SORCS1: variants seen among roughly 807,000 people sequenced by gnomAD.
SORCS1 encodes sortilin related VPS10 domain containing receptor 1.
In SORCS1, 60 loss-of-function variants were observed where a neutral mutation model predicts 146.1. The observed-to-expected ratio is 0.41, with a 90% CI of 0.33 to 0.51. SORCS1 has a LOEUF of 0.51. Among genes scored for constraint, SORCS1 ranks in the 20% least tolerant of loss-of-function variants. The pLI is 0.21. For synonymous variants in SORCS1, 637 were observed against 584.0 expected, an observed-to-expected ratio of 1.09 and a Z score of -1.31; for missense variants, 1,352 against 1,487.6, an observed-to-expected ratio of 0.91 and a Z score of 1.50.
chr10:106,679,610 G>A (rs1290365893), intron 11 of SORCS1, 22 bp downstream of exon 11: 3 of 1,583,068 alleles, frequency 1.9e-6, no homozygotes. Flanking sequence ...ACCACAGCCA[G>A]CAAACCAGGT....
intron 1 of SORCS1, among the ~76,000 whole-genome samples, chr10:107,111,104 T>C (rs1965667062): frequency 2.0e-5 from 3 of 152,228 alleles, no homozygotes. Flanking sequence ...CTGTAAAGAC[T>C]AGAAGCGGTA....
intron 2 of SORCS1, among the ~76,000 whole-genome samples, chr10:106,956,023 G>A (rs907362019): frequency 7.9e-5 from 12 of 152,086 alleles, no homozygotes; most frequent in Middle Eastern, 6.8e-3. Flanking sequence ...CCAGCTACTC[G>A]GGAGGCTGAG....
intron 1 of SORCS1, among the ~76,000 whole-genome samples, chr10:107,046,903 G>T (rs1265721194): frequency 1.3e-5 from 2 of 152,226 alleles, no homozygotes; most frequent in African/African-American, 4.8e-5. Flanking sequence ...CCTCTATCAT[G>T]ATGGTGGCTA....
chr10:107,117,759 A>G (rs972759992), intron 1 of SORCS1, among the ~76,000 whole-genome samples: 14 of 152,248 alleles, frequency 9.2e-5, no homozygotes, highest in African/African-American at 3.1e-4. Context: ...TGTCTAGCCT[A>G]TGCCTGTCAC....
intron 23 of SORCS1, among the ~76,000 whole-genome samples, chr10:106,601,785 C>T (rs979643148): frequency 3.3e-5 from 5 of 152,174 alleles, no homozygotes; most frequent in Admixed American, 6.5e-5. Flanking sequence ...ACATACAGCA[C>T]AAGAGGGAAA....
chr10:106,664,991 A>G (rs1014840477), intron 17 of SORCS1, among the ~76,000 whole-genome samples: 3 of 152,132 alleles, frequency 2.0e-5, no homozygotes, highest in African/African-American at 7.2e-5. Context: ...GTACTATGCT[A>G]AGACCTCACT....
At chr10:106,958,008 C>T (rs1955045673) in intron 1 of SORCS1, among the ~76,000 whole-genome samples, 2 of 152,214 alleles carry the variant, frequency 1.3e-5, no homozygotes, top group Non-Finnish European at 2.9e-5. Flanking sequence ...TATACCCCTT[C>T]TCAGTCACAC....
intron 1 of SORCS1, among the ~76,000 whole-genome samples, chr10:107,081,086 C>T (rs1056826347): frequency 2.0e-5 from 3 of 152,120 alleles, no homozygotes; most frequent in Non-Finnish European, 4.4e-5. Context: ...CTAGTCAGTA[C>T]CATAACTGCA....
chr10:107,180,811 T>G, the SORCS1 span, among the ~76,000 whole-genome samples: 1 of 152,298 alleles, frequency 6.6e-6, no homozygotes, highest in African/African-American at 2.4e-5. Flanking sequence ...TTAGGATATT[T>G]TGTAGTTGTG....
intron 3 of SORCS1, among the ~76,000 whole-genome samples, chr10:106,797,301 T>C (rs1351356395): frequency 6.6e-6 from 1 of 152,190 alleles, no homozygotes; most frequent in Non-Finnish European, 1.5e-5. Flanking sequence ...TTGGAATTCC[T>C]AGACAATGGC....
intron 2 of SORCS1, among the ~76,000 whole-genome samples, chr10:106,887,697 C>T (rs1951053648): frequency 6.6e-6 from 1 of 151,962 alleles, no homozygotes; most frequent in Non-Finnish European, 1.5e-5. Context: ...AAAACATACT[C>T]CTGCACTGAC....
rs141378677 is a variant in SORCS1, at chr10:106,843,429, C to CTTTTTTTT, written c.627-13764_627-13757dup. Among the ~76,000 whole-genome samples, 10 of 116,800 alleles carry CTTTTTTTT rather than the reference C, an allele frequency of 8.6e-5. 1 individual carries two copies. Among genetic ancestry groups the CTTTTTTTT allele is most frequent in the Non-Finnish European group, 1.1e-4 (7 of 61,150 alleles). The allele number at this position is 116,800 out of a possible 152,430, so 76.6% of individuals were successfully genotyped here. On this transcript the variant is annotated intron_variant, in intron 2 of 25. Transcript: ENST00000263054. ...ATGTTGCGGTAAAAGGCAGGATTTC[C>CTTTTTTTT]TTTTTTTTTTTTTTTTTTGTGATGG...
intron 2 of SORCS1, among the ~76,000 whole-genome samples, chr10:106,946,377 T>C (rs564153669): frequency 6.6e-6 from 1 of 152,356 alleles, no homozygotes; most frequent in East Asian, 1.9e-4. Flanking sequence ...GCCCCCATAA[T>C]TCCCACATAT....
At chr10:106,997,534 C>T (rs900280101) in intron 1 of SORCS1, among the ~76,000 whole-genome samples, 6 of 152,164 alleles carry the variant, frequency 3.9e-5, no homozygotes, top group African/African-American at 1.4e-4. Context: ...AAGCATGTTA[C>T]ACTCATCCAC....
intron 1 of SORCS1, among the ~76,000 whole-genome samples, chr10:107,126,032 T>G (rs187702846): frequency 9.6e-4 from 146 of 152,316 alleles, no homozygotes; most frequent in African/African-American, 3.4e-3. Flanking sequence ...TTCAATCTAA[T>G]TAAATACTTA....
chr10:106,817,004 G>A (rs1947777608), intron 3 of SORCS1, among the ~76,000 whole-genome samples: 1 of 152,140 alleles, frequency 6.6e-6, no homozygotes, highest in African/African-American at 2.4e-5. Flanking sequence ...TTGGGCCCAA[G>A]GAACAAAGAC....
chr10:106,850,428 C>G (rs1325620724), intron 2 of SORCS1, among the ~76,000 whole-genome samples: 2 of 152,142 alleles, frequency 1.3e-5, no homozygotes, highest in African/African-American at 4.8e-5. Flanking sequence ...GAGGCAATGC[C>G]TCGCCCTGCT....
intron 1 of SORCS1, among the ~76,000 whole-genome samples, chr10:107,085,437 C>T (rs1424204652): frequency 2.0e-5 from 3 of 152,172 alleles, no homozygotes. Context: ...ACTTCCAAAA[C>T]AGAAGAACAT....
chr10:106,625,215 T>C (rs1490778348), intron 19 of SORCS1, among the ~76,000 whole-genome samples: 2 of 127,066 alleles, frequency 1.6e-5, no homozygotes, highest in African/African-American at 2.9e-5. Flanking sequence ...TGTGTGTGTG[T>C]GTGTGTGTGT....
Sources: allele counts gnomAD v4.1 joint callset (sites outside exome capture counted in the v4.1 genomes callset), GRCh38; gene constraint gnomAD v4.1.1; transcripts MANE v1.5; gene names NCBI Gene and HGNC (gene_info 2026-07-23, HGNC 2026-07-21).